Variants in MAGI1 observed in about 807,000 individuals in gnomAD.
MAGI1 encodes the protein membrane-associated guanylate kinase, WW and PDZ domain-containing protein 1.
A neutral mutation model predicts 139.9 loss-of-function variants in MAGI1; 58 were observed. The ratio of observed to expected loss-of-function variants is 0.41; its 90% CI spans 0.34 to 0.52. The LOEUF is 0.52. Ranked by LOEUF, MAGI1 falls within the 20% of genes least tolerant of loss-of-function variation. MAGI1 has a pLI of 0.12. For synonymous variants in MAGI1, 812 were observed against 737.9 expected, an observed-to-expected ratio of 1.10 and a Z score of -1.63; for missense variants, 1,874 against 1,901.6, an observed-to-expected ratio of 0.99 and a Z score of 0.27.
chr3:65,989,106 T>A (rs1317147414), intron 1 of MAGI1, among the ~76,000 whole-genome samples: 1 of 152,198 alleles, frequency 6.6e-6, no homozygotes. Context: ...CATCACAAAA[T>A]TACACATTTA....
chr3:65,881,485 G>A (rs1287710883), intron 1 of MAGI1, among the ~76,000 whole-genome samples: 2 of 152,000 alleles, frequency 1.3e-5, no homozygotes, highest in Non-Finnish European at 2.9e-5. Flanking sequence ...TAATTAGCTG[G>A]GCATGGTGGT....
intron 1 of MAGI1, among the ~76,000 whole-genome samples, chr3:65,703,744 T>A (rs2089775164): frequency 6.6e-6 from 1 of 152,170 alleles, no homozygotes; most frequent in African/African-American, 2.4e-5. Context: ...TTGACGGGGA[T>A]GCCTGCGGGA....
chr3:65,454,451 C>T (rs1278720154), intron 5 of MAGI1, among the ~76,000 whole-genome samples: 1 of 150,644 alleles, frequency 6.6e-6, no homozygotes, highest in African/African-American at 2.4e-5. Context: ...TTAGTGGGTG[C>T]AGCGCACCAG....
intron 1 of MAGI1, among the ~76,000 whole-genome samples, chr3:65,626,304 A>AT (rs1247519049): frequency 1.3e-5 from 2 of 152,186 alleles, no homozygotes; most frequent in African/African-American, 4.8e-5. Flanking sequence ...AACCAGGGAC[A>AT]TATAGATTGG....
At position 65,430,858 on chromosome 3, in the gene MAGI1, G is replaced by A. The variant is rs763905797; in HGVS notation, c.1387C>T (p.Pro463Ser). 3 of 1,613,224 alleles carry A rather than the reference G, an allele frequency of 1.9e-6. No individual in the cohort carries two copies. Among genetic ancestry groups the A allele is most frequent in the Admixed American group, 1.7e-5 (1 of 59,886 alleles). The change falls in exon 11 of 23, where the codon CCT (proline) becomes TCT (serine). Residue 463 changes from proline (P) to serine (S), a missense_variant. By Grantham distance (74) the Pro-to-Ser change is moderately conservative (BLOSUM62 -1). Around this residue, in one of 5 missense-constraint regions of MAGI1, gnomAD observed 648 missense variants for 598.1 expected, o/e 1.08. Coordinates refer to ENST00000402939, the MANE Select transcript of MAGI1 (RefSeq NM_001033057.2). ...ATGAACTTGCCTTTCAACTCAGAAG[G>A]GTTTCGTGTAAAAAAGGGTTTGCCT... is the stretch of plus-strand genomic sequence containing the variant. ...LQGKPFFTRN[P>S]SELKGKFIHT... is the part of the protein sequence containing the mutation.
At chr3:65,918,397 T>TTTTTTTTAG (rs61164918) in intron 1 of MAGI1, among the ~76,000 whole-genome samples, 1 of 151,062 alleles carries the variant, frequency 6.6e-6, no homozygotes, top group Non-Finnish European at 1.5e-5. Flanking sequence ...TTTTTTTTTT[T>TTTTTTTTAG]GTGAGACGGA....
In MAGI1 at chr3:65,548,511, C is replaced by CTTTTTTTTT. The variant is rs1170215972; in HGVS notation, c.431-54889_431-54881dup. Among the ~76,000 whole-genome samples the CTTTTTTTTT allele has an allele frequency of 1.0e-3, 90 of 87,372 alleles. 12 individuals carry two copies. The highest frequency in any genetic ancestry group is 3.5e-3 in the African/African-American group (74 of 21,294). 57.3% of individuals were successfully genotyped at this position (87,372 alleles called of 152,430 possible). A position where few individuals can be genotyped will look rare whatever the true frequency, so the allele number is the denominator to read the frequency against. On this transcript the variant is annotated intron_variant, in intron 2 of 22. Coordinates refer to ENST00000402939, the MANE Select transcript of MAGI1 (RefSeq NM_001033057.2). The stretch of plus-strand genomic sequence containing the variant: ...AGCCCAGCTTTATGCAAACAACACT[C>CTTTTTTTTT]TTTTTTTTTTTTTTTTTTTTTTTTT...
chr3:65,759,979 C>A (rs9311954), intron 1 of MAGI1, among the ~76,000 whole-genome samples: 2,998 of 152,206 alleles, frequency 0.02, 93 homozygotes, highest in African/African-American at 0.068. Context: ...CTTCACTTTC[C>A]TGAGCAAAAA....
chr3:65,948,384 T>G (rs1042559375), intron 1 of MAGI1, among the ~76,000 whole-genome samples: 1 of 152,216 alleles, frequency 6.6e-6, no homozygotes, highest in Non-Finnish European at 1.5e-5. Flanking sequence ...CTTTGAGACT[T>G]TCTTCATTAA....
chr3:65,469,447 A>C (rs888795118), intron 5 of MAGI1, among the ~76,000 whole-genome samples: 3 of 151,772 alleles, frequency 2.0e-5, no homozygotes, highest in Non-Finnish European at 2.9e-5. Flanking sequence ...GGAAAACCAC[A>C]TTATCTTAGA....
At chr3:65,435,591 G>A (rs1431002973) in intron 10 of MAGI1, among the ~76,000 whole-genome samples, 2 of 152,064 alleles carry the variant, frequency 1.3e-5, no homozygotes, top group Non-Finnish European at 2.9e-5. Flanking sequence ...TTATCTCACA[G>A]TGAAAAAACA....
At chr3:65,442,935 G>T in intron 7 of MAGI1, 86 bp from the exon 8 acceptor site, 1 of 928,474 alleles carries the variant, frequency 1.1e-6, no homozygotes, top group Non-Finnish European at 1.7e-6. Flanking sequence ...GGCAAAAAGA[G>T]AAAGACTCAT....
At chr3:65,700,102 C>CA (rs1331841332) in intron 1 of MAGI1, among the ~76,000 whole-genome samples, 1 of 152,040 alleles carries the variant, frequency 6.6e-6, no homozygotes, top group African/African-American at 2.4e-5. Flanking sequence ...TTGGTTTGTA[C>CA]ATTAAAAATA....
At chr3:65,772,382 G>A (rs1332005577) in intron 1 of MAGI1, among the ~76,000 whole-genome samples, 2 of 152,208 alleles carry the variant, frequency 1.3e-5, no homozygotes, top group East Asian at 1.9e-4. Flanking sequence ...ATTCAGGGGG[G>A]ACTTGAGTAC....
Position 65,478,713 on chromosome 3 carries a change from A to G in MAGI1, c.636T>C (p.Ser212=). 1 of 1,614,128 alleles carries G rather than the reference A, an allele frequency of 6.2e-7. No homozygotes were observed. The highest frequency in any genetic ancestry group is 8.5e-7 in the Non-Finnish European group (1 of 1,179,998). ...ITTDALHSLQ[S]GSKQSTPKRT... is the part of the protein sequence containing the mutation. Reference sequence around the variant, plus strand: ...GCTTCGGGGTCGACTGCTTAGAGCCAGACTGAAGGCTGTGCAAGGCATCCG... The same window carrying G: ...GCTTCGGGGTCGACTGCTTAGAGCCGGACTGAAGGCTGTGCAAGGCATCCG... Residue 212 remains serine, a synonymous_variant, in exon 4 of 23, where the codon TCT becomes TCC. Coordinates refer to ENST00000402939, the MANE Select transcript of MAGI1 (RefSeq NM_001033057.2).
chr3:65,524,496 CT>C (rs2078298986), intron 2 of MAGI1, among the ~76,000 whole-genome samples: 1 of 152,168 alleles, frequency 6.6e-6, no homozygotes, highest in African/African-American at 2.4e-5. Context: ...ATTGGACTGT[CT>C]TTTGTCAAAT....
chr3:65,359,470 C>T, intron 22 of MAGI1: 1 of 1,100,126 alleles, frequency 9.1e-7, no homozygotes, highest in South Asian at 3.8e-5. Flanking sequence ...GACAGGCTGG[C>T]ATAGGAGAGC....
intron 3 of MAGI1, among the ~76,000 whole-genome samples, chr3:65,488,259 C>G (rs754631284): frequency 1.6e-4 from 25 of 152,318 alleles, no homozygotes; most frequent in Non-Finnish European, 3.4e-4. Context: ...TCTAGGGAGT[C>G]TGCCAAAACT....
chr3:65,737,751 G>A (rs2034898072), intron 1 of MAGI1, among the ~76,000 whole-genome samples: 1 of 152,154 alleles, frequency 6.6e-6, no homozygotes, highest in Admixed American at 6.5e-5. Context: ...TTTAAATGAG[G>A]AAGTGAGATC....
Sources: gnomAD v4.1 joint callset for allele counts (sites outside exome capture counted in the v4.1 genomes callset) on GRCh38, gnomAD v4.1.1 for gene constraint, gnomAD v4.1.1 regional missense constraint, MANE v1.5 for transcripts, NCBI Gene and HGNC (gene_info 2026-07-23, HGNC 2026-07-21) for gene names.